LDAH: variants seen among roughly 807,000 people sequenced by gnomAD.
LDAH encodes the protein lipid droplet-associated hydrolase.
A neutral mutation model predicts 29.6 loss-of-function variants in LDAH; 26 were observed. The observed-to-expected ratio is 0.88, with a 90% CI of 0.64 to 1.22. The LOEUF (loss-of-function observed/expected upper bound fraction) is 1.22. Ranked by LOEUF, LDAH falls within the 50% of genes most tolerant of loss-of-function variation. The pLI, the probability that LDAH is intolerant of heterozygous loss-of-function variation, is 0.00. For synonymous variants in LDAH, 117 were observed against 133.0 expected, an observed-to-expected ratio of 0.88 and a Z score of 0.83; for missense variants, 344 against 387.3, an observed-to-expected ratio of 0.89 and a Z score of 0.94.
At chr2:20,700,196 T>C (rs1194378617) in intron 6 of LDAH, among the ~76,000 whole-genome samples, 3 of 152,266 alleles carry the variant, frequency 2.0e-5, no homozygotes, top group Non-Finnish European at 4.4e-5. Context: ...TGGAAGTAGC[T>C]GAAAGCCCTG....
At chr2:20,733,758 A>T (rs1666588111) in intron 5 of LDAH, among the ~76,000 whole-genome samples, 1 of 149,970 alleles carries the variant, frequency 6.7e-6, no homozygotes, top group South Asian at 2.1e-4. Flanking sequence ...TGGCTGGTCT[A>T]GAACTCCTGG....
chr2:20,764,768 A>T (rs1668918983), intron 4 of LDAH, among the ~76,000 whole-genome samples: 1 of 152,238 alleles, frequency 6.6e-6, no homozygotes, highest in Non-Finnish European at 1.5e-5. Context: ...TAACTCACCT[A>T]GAAAACAGGT....
In LDAH at chr2:20,774,929, C is replaced by G. The variant is rs145002349; in HGVS notation, c.349G>C (p.Glu117Gln). ...KDIYGLNGQI[E>Q]HKLAFLRTHV... is the part of the protein sequence containing the mutation. Reference sequence around the variant, plus strand: ...GTTCTCAGGAAAGCTAGTTTGTGCTCTATTTGTCCATTTAGTCCATAAATG... The same window carrying G: ...GTTCTCAGGAAAGCTAGTTTGTGCTGTATTTGTCCATTTAGTCCATAAATG... The change falls in exon 4 of 7, where the codon GAG (glutamate) becomes CAG (glutamine). Residue 117 changes from glutamate to glutamine, a missense_variant. Physicochemically the swap from Glu to Gln is conservative, Grantham distance 29 (BLOSUM62 2). Coordinates refer to ENST00000237822, the MANE Select transcript of LDAH (RefSeq NM_021925.4). 2.5e-6 allele frequency: 4 copies of G among 1,613,094 alleles called. No individual in the cohort carries two copies. Among genetic ancestry groups the G allele is most frequent in the South Asian group, 1.1e-5 (1 of 91,022 alleles).
chr2:20,820,052 T>TC, intron 1 of LDAH, among the ~76,000 whole-genome samples: 1 of 151,854 alleles, frequency 6.6e-6, no homozygotes, highest in African/African-American at 2.4e-5. Flanking sequence ...GAATCCAACT[T>TC]ACAAGGGATG....
chr2:20,771,665 T>C (rs949179132), intron 4 of LDAH, among the ~76,000 whole-genome samples: 1 of 152,180 alleles, frequency 6.6e-6, no homozygotes, highest in African/African-American at 2.4e-5. Context: ...ATTTCAACAA[T>C]GTAGTTAATT....
chr2:20,807,716 T>C (rs1175957110), intron 1 of LDAH, among the ~76,000 whole-genome samples: 4 of 152,056 alleles, frequency 2.6e-5, no homozygotes, highest in Non-Finnish European at 5.9e-5. Flanking sequence ...TTTTTTCATA[T>C]AATACAAGTA....
At position 20,701,536 on chromosome 2, in the gene LDAH, A is replaced by G. The variant is rs781032498; in HGVS notation, c.786+34T>C. The G allele has an allele frequency of 1.9e-6, 3 of 1,566,214 alleles. No homozygotes were observed. In the African/African-American group the frequency reaches 4.1e-5, roughly 21 times the overall value. On this transcript the variant is annotated intron_variant, in intron 6 of 6. Transcript: ENST00000237822. ...CCCTCGTATCTCTGCCCATCTACTT[A>G]TTATCTATCCCCTTGCAGCACTAAA...
intron 3 of LDAH, among the ~76,000 whole-genome samples, chr2:20,776,303 C>T (rs151108844): frequency 9.7e-4 from 148 of 152,158 alleles, no homozygotes; most frequent in South Asian, 2.7e-3. Flanking sequence ...TTGAAACAAG[C>T]GTTATCTCCT....
intron 5 of LDAH, among the ~76,000 whole-genome samples, chr2:20,708,309 T>A (rs1572441308): frequency 6.6e-6 from 1 of 152,040 alleles, no homozygotes; most frequent in African/African-American, 2.4e-5. Context: ...GGAGTAAAAT[T>A]AGCCCTAAAC....
At chr2:20,711,499 C>A (rs1572450476) in intron 5 of LDAH, among the ~76,000 whole-genome samples, 1 of 152,140 alleles carries the variant, frequency 6.6e-6, no homozygotes, top group Non-Finnish European at 1.5e-5. Flanking sequence ...TTCTGCATTT[C>A]CAACTGAGGT....
chr2:20,768,477 G>A (rs919183153), intron 4 of LDAH, among the ~76,000 whole-genome samples: 9 of 152,178 alleles, frequency 5.9e-5, no homozygotes, highest in Non-Finnish European at 1.3e-4. Context: ...CATGGCAGCA[G>A]CCAGCATGTC....
intron 5 of LDAH, among the ~76,000 whole-genome samples, chr2:20,707,036 C>T (rs532930236): frequency 1.4e-4 from 21 of 152,298 alleles, no homozygotes; most frequent in African/African-American, 3.1e-4. Context: ...AATGATTCCA[C>T]GGTGAACATT....
chr2:20,700,511 A>C (rs1349855527), intron 6 of LDAH, among the ~76,000 whole-genome samples: 1 of 151,848 alleles, frequency 6.6e-6, no homozygotes, highest in Non-Finnish European at 1.5e-5. Context: ...TTATAAAGAC[A>C]TTCTAAGTCC....
chr2:20,790,513 G>C (rs908782029), intron 2 of LDAH, 115 bp from the exon 3 acceptor site: 37 of 790,874 alleles, frequency 4.7e-5, no homozygotes, highest in Admixed American at 2.4e-4. Flanking sequence ...GAATTCTTCA[G>C]AGTACCCAAG....
intron 3 of LDAH, among the ~76,000 whole-genome samples, chr2:20,788,519 C>T (rs1670714433): frequency 6.6e-6 from 1 of 152,154 alleles, no homozygotes; most frequent in Non-Finnish European, 1.5e-5. Flanking sequence ...CCTTGTACAT[C>T]AATGTCTAAA....
intron 4 of LDAH, among the ~76,000 whole-genome samples, chr2:20,770,730 C>T (rs376512875): frequency 9.2e-5 from 14 of 152,310 alleles, no homozygotes; most frequent in African/African-American, 3.1e-4. Flanking sequence ...GCAGGGCACA[C>T]TGTAATAGCT....
At chr2:20,723,652 C>A (rs1665820383) in intron 5 of LDAH, among the ~76,000 whole-genome samples, 1 of 152,070 alleles carries the variant, frequency 6.6e-6, no homozygotes, top group Non-Finnish European at 1.5e-5. Flanking sequence ...TCCAAGGAAG[C>A]CATCTTTGTC....
At chr2:20,807,844 A>G (rs1167493592) in intron 1 of LDAH, among the ~76,000 whole-genome samples, 1 of 151,804 alleles carries the variant, frequency 6.6e-6, no homozygotes, top group African/African-American at 2.4e-5. Flanking sequence ...CAGCCAATGC[A>G]ATAAGAAAAC....
intron 6 of LDAH, among the ~76,000 whole-genome samples, chr2:20,696,730 C>G (rs951656555): frequency 6.6e-6 from 1 of 152,036 alleles, no homozygotes; most frequent in African/African-American, 2.4e-5. Flanking sequence ...GGAGTGCTGA[C>G]CTCTTATTTG....
Sources: gnomAD v4.1 joint callset for allele counts (sites outside exome capture counted in the v4.1 genomes callset) on GRCh38, gnomAD v4.1.1 for gene constraint, MANE v1.5 for transcripts, NCBI Gene and HGNC (gene_info 2026-07-23, HGNC 2026-07-21) for gene names.